The following TSC22D1 variants were observed in gnomAD, a reference collection of about 807,000 sequenced individuals.
TSC22D1 encodes the protein TSC22 domain family member 1.
A neutral mutation model predicts 74.2 loss-of-function variants in TSC22D1; 9 were observed. The observed-to-expected ratio is 0.12, with a 90% CI of 0.07 to 0.21. The LOEUF is 0.21. Among genes scored for constraint, TSC22D1 ranks in the 10% least tolerant of loss-of-function variants. The pLI, the probability that TSC22D1 is intolerant of heterozygous loss-of-function variation, is 1.00. For synonymous variants in TSC22D1, 586 were observed against 492.5 expected (o/e 1.19, Z -2.51); for missense variants, 1,427 against 1,304.7 (o/e 1.09, Z -1.44).
intron 1 of TSC22D1, among the ~76,000 whole-genome samples, chr13:44,547,803 A>C (rs1881927322): frequency 6.6e-6 from 1 of 152,134 alleles, no homozygotes; most frequent in African/African-American, 2.4e-5. Flanking sequence ...AAGAGAAACA[A>C]GGTCTTCCTA....
At chr13:44,473,505 A>AAAAT (rs1231503223) in intron 1 of TSC22D1, among the ~76,000 whole-genome samples, 2 of 152,126 alleles carry the variant, frequency 1.3e-5, no homozygotes, top group African/African-American at 2.4e-5. Context: ...CTAAAAATAA[A>AAAAT]AAATAAATAA....
In TSC22D1 at chr13:44,455,309, G is replaced by C. The variant is rs140767238; in HGVS notation, c.2913-19214C>G. ...GCAAGGGGAAATGCTGTATTCAAGA[G>C]ACCCAACAAAGTCAAGACAGCATGA... On this transcript the variant is annotated intron_variant, in intron 1 of 2. Coordinates refer to ENST00000458659, the MANE Select transcript of TSC22D1 (RefSeq NM_183422.4). Among the ~76,000 whole-genome samples, 151 of 152,274 alleles carry C rather than the reference G, an allele frequency of 9.9e-4. 1 individual carries two copies. Among genetic ancestry groups the C allele is most frequent in the African/African-American group, 3.5e-3 (144 of 41,548 alleles).
chr13:44,435,500 G>A (rs1342989974), intron 2 of TSC22D1, among the ~76,000 whole-genome samples: 4 of 152,194 alleles, frequency 2.6e-5, no homozygotes, highest in Non-Finnish European at 5.9e-5. Flanking sequence ...AACAAAGAAC[G>A]GCCAAGGCGG....
chr13:44,514,734 C>T (rs547229690), intron 1 of TSC22D1, among the ~76,000 whole-genome samples: 55 of 152,164 alleles, frequency 3.6e-4, no homozygotes, highest in Non-Finnish European at 6.9e-4. Flanking sequence ...GTGGTATGCA[C>T]CTGTAATTCC....
At chr13:44,486,146 A>C (rs1878418352) in intron 1 of TSC22D1, among the ~76,000 whole-genome samples, 1 of 152,116 alleles carries the variant, frequency 6.6e-6, no homozygotes, top group African/African-American at 2.4e-5. Flanking sequence ...TGGAATAAAG[A>C]AATTCAGATC....
chr13:44,478,085 T>A (rs974130468), intron 1 of TSC22D1, among the ~76,000 whole-genome samples: 13 of 151,874 alleles, frequency 8.6e-5, no homozygotes, highest in African/African-American at 3.1e-4. Flanking sequence ...ATAAGTAAAA[T>A]AATGTCTATA....
At chr13:44,557,037 G>T (rs1237161966) in intron 1 of TSC22D1, among the ~76,000 whole-genome samples, 1 of 152,048 alleles carries the variant, frequency 6.6e-6, no homozygotes, top group African/African-American at 2.4e-5. Context: ...CAGCTACTTG[G>T]GAGGCTGAGG....
intron 1 of TSC22D1, among the ~76,000 whole-genome samples, chr13:44,493,850 A>G (rs944120083): frequency 6.6e-6 from 1 of 152,200 alleles, no homozygotes; most frequent in Non-Finnish European, 1.5e-5. Flanking sequence ...ATTCAAGGCC[A>G]TCTGTCAAAA....
chr13:44,573,426 A>C lies in TSC22D1; in HGVS notation c.2649T>G (p.Asn883Lys), dbSNP rs561086777. ...SQPPLIATNT[N>K]LPLAQQIPLS... ...GTGGTATCTGTTGTGCCAAAGGCAA[A>C]TTTGTATTAGTTGCTATCAAGGGAG... is the stretch of plus-strand genomic sequence containing the variant. The change falls in exon 1 of 3, where the codon AAT becomes AAG. Residue 883 changes from asparagine to lysine, a missense_variant. By Grantham distance (94) the Asn-to-Lys change is moderately conservative (BLOSUM62 0). Around this residue, in one of 3 missense-constraint regions of TSC22D1, gnomAD observed 1,343 missense variants for 1,191.5 expected, o/e 1.13. Coordinates refer to ENST00000458659, the MANE Select transcript of TSC22D1 (RefSeq NM_183422.4). 1 of 1,614,126 alleles carries C rather than the reference A, an allele frequency of 6.2e-7. No individual in the cohort carries two copies. Among genetic ancestry groups the C allele is most frequent in the Admixed American group, 1.7e-5 (1 of 60,012 alleles).
At chr13:44,514,242 G>A (rs1438771384) in intron 1 of TSC22D1, among the ~76,000 whole-genome samples, 3 of 151,782 alleles carry the variant, frequency 2.0e-5, no homozygotes, top group African/African-American at 7.3e-5. Flanking sequence ...AAGGAGTTAA[G>A]ATTTATGTAG....
chr13:44,480,696 T>C (rs887929135), intron 1 of TSC22D1, among the ~76,000 whole-genome samples: 10 of 152,104 alleles, frequency 6.6e-5, no homozygotes, highest in South Asian at 2.1e-4. Flanking sequence ...CACAGGGAAA[T>C]TGAAGACACT....
In TSC22D1 at chr13:44,575,687, T is replaced by C; in HGVS notation, c.388A>G (p.Ser130Gly). The change falls in exon 1 of 3, where the codon AGT becomes GGT. Residue 130 changes from serine to glycine, a missense_variant. Transcript: ENST00000458659. ...QISASISSNNSIAEDTESYDD... is the reference protein window; with the variant it reads ...QISASISSNNGIAEDTESYDD... ...TAGCTCTCAGTGTCCTCTGCTATAC[T>C]GTTGTTAGAGCTGATACTAGCGGAG... The C allele has an allele frequency of 6.2e-7, 1 of 1,614,220 alleles. No homozygotes were observed. The highest frequency in any genetic ancestry group is 8.5e-7 in the Non-Finnish European group (1 of 1,180,032).
chr13:44,519,746 A>G (rs1434969602), intron 1 of TSC22D1, among the ~76,000 whole-genome samples: 1 of 152,164 alleles, frequency 6.6e-6, no homozygotes, highest in Non-Finnish European at 1.5e-5. Flanking sequence ...ATAAGGTTAT[A>G]TACAAGGAGA....
upstream of TSC22D1, chr13:44,576,626 C>G (rs1473611130): frequency 3.9e-5 from 6 of 152,428 alleles, no homozygotes. Flanking sequence ...CCTCCCGGCC[C>G]CGCTCGGCCC....
At chr13:44,550,501 G>C (rs1448155114) in intron 1 of TSC22D1, among the ~76,000 whole-genome samples, 2 of 151,380 alleles carry the variant, frequency 1.3e-5, no homozygotes, top group Non-Finnish European at 2.9e-5. Context: ...AGAATTGCCT[G>C]AACCTGGGAG....
At chr13:44,502,203 C>T (rs754300287) in intron 1 of TSC22D1, among the ~76,000 whole-genome samples, 2 of 152,084 alleles carry the variant, frequency 1.3e-5, no homozygotes, top group South Asian at 2.1e-4. Flanking sequence ...TTGGTGAGTA[C>T]GTTGTTGATT....
chr13:44,546,192 G>GA (rs1418947115), intron 1 of TSC22D1, among the ~76,000 whole-genome samples: 1 of 152,200 alleles, frequency 6.6e-6, no homozygotes, highest in Admixed American at 6.5e-5. Context: ...GATCAAGCAA[G>GA]AATCATCAAT....
intron 1 of TSC22D1, among the ~76,000 whole-genome samples, chr13:44,462,193 C>T (rs995323123): frequency 5.9e-5 from 9 of 152,116 alleles, no homozygotes; most frequent in Non-Finnish European, 1.2e-4. Flanking sequence ...GGTGACTCTG[C>T]GATTACCCCC....
chr13:44,551,310 G>GGT (rs370742852), intron 1 of TSC22D1, among the ~76,000 whole-genome samples: 43,101 of 132,548 alleles, frequency 0.33, 7,336 homozygotes, highest in Middle Eastern at 0.48. Flanking sequence ...ATCAGCTGGG[G>GGT]GTGTGTGTGT....
Sources: gnomAD v4.1 joint callset for allele counts (sites outside exome capture counted in the v4.1 genomes callset) on GRCh38, gnomAD v4.1.1 for gene constraint, gnomAD v4.1.1 regional missense constraint, MANE v1.5 for transcripts, NCBI Gene and HGNC (gene_info 2026-07-23, HGNC 2026-07-21) for gene names.